Variants in LY75 observed in about 807,000 individuals in gnomAD.
LY75 encodes the protein C-type lectin domain family 13 member B.
A neutral mutation model predicts 231.7 loss-of-function variants in LY75; 185 were observed. The ratio of observed to expected loss-of-function variants is 0.80; its 90% confidence interval spans 0.71 to 0.90. LY75 has a LOEUF of 0.90. Ranked by LOEUF, LY75 falls within the 40% of genes least tolerant of loss-of-function variation. The pLI, the probability that LY75 is intolerant of heterozygous loss-of-function variation, is 0.00. For synonymous variants in LY75, 668 were observed against 689.0 expected, an observed-to-expected ratio of 0.97 and a Z score of 0.48; for missense variants, 1,947 against 2,050.2, an observed-to-expected ratio of 0.95 and a Z score of 0.97.
intron 13 of LY75, among the ~76,000 whole-genome samples, chr2:159,868,999 G>A (rs1330877527): frequency 2.6e-5 from 4 of 152,078 alleles, no homozygotes; most frequent in African/African-American, 9.7e-5. Flanking sequence ...GTCCTTTGTA[G>A]GGACACGGAT....
intron 2 of LY75, among the ~76,000 whole-genome samples, chr2:159,895,854 C>G (rs774352327): frequency 6.6e-5 from 10 of 152,352 alleles, no homozygotes; most frequent in African/African-American, 1.4e-4. Context: ...ATTACGCTAA[C>G]TATTCACTAA....
intron 26 of LY75, among the ~76,000 whole-genome samples, chr2:159,834,939 C>T (rs756750465): frequency 6.6e-6 from 1 of 152,194 alleles, no homozygotes; most frequent in Non-Finnish European, 1.5e-5. Context: ...TCTGACTGGG[C>T]TAGAGACTGC....
At chr2:159,822,834 G>A (rs916138966) in intron 28 of LY75, among the ~76,000 whole-genome samples, 13 of 152,228 alleles carry the variant, frequency 8.5e-5, no homozygotes, top group African/African-American at 1.2e-4. Context: ...AAACAGAGTC[G>A]GGTAGACATC....
At chr2:159,818,684 G>T (rs13393420) in intron 29 of LY75, among the ~76,000 whole-genome samples, 6 of 152,178 alleles carry the variant, frequency 3.9e-5, no homozygotes, top group Non-Finnish European at 7.3e-5. Context: ...CCATACTAAA[G>T]TAATATGCCA....
Position 159,882,275 on chromosome 2 carries a change from C to T in LY75, c.1095G>A (p.Trp365Ter), listed in dbSNP as rs1685459514. The T allele has an allele frequency of 6.2e-7, 1 of 1,613,836 alleles. No individual in the cohort carries two copies. Among genetic ancestry groups the T allele is most frequent in the Admixed American group, 1.7e-5 (1 of 59,978 alleles). Residue 365 changes from tryptophan (W) to a stop codon, truncating the protein, a stop_gained, in exon 7 of 35, where the codon TGG becomes TGA. Transcript: ENST00000263636. LOFTEE classifies it high-confidence loss of function. ...TYSDTRCDAG[W>*]LPNNGFCYLL... ...GATAGCAAAATCCATTATTTGGCAG[C>T]CAGCCTGCATCACAGCGGGTATCTG...
At position 159,878,403 on chromosome 2, in the gene LY75, A is replaced by G. The variant is rs370766820; in HGVS notation, c.1695T>C (p.Ser565=). 1.9e-6 allele frequency: 3 copies of G among 1,614,008 alleles called. No homozygotes were observed. In the African/African-American group the frequency reaches 4.0e-5, roughly 22 times the overall value. Residue 565 remains serine, a synonymous_variant, in exon 11 of 35, where the codon TCT becomes TCC. Coordinates refer to ENST00000263636, the MANE Select transcript of LY75 (RefSeq NM_002349.4). ...CAGTTGCCCAGTTATACTCTCCACA[A>G]GAATCTACATCTCTCAGGCCAGTCC... ...YFWTGLRDVD[S]CGEYNWATVG...
Position 159,881,253 on chromosome 2 carries a change from T to G in LY75, c.1247-13A>C. 6.2e-7 allele frequency: 1 copy of G among 1,605,636 alleles called. No homozygotes were observed. Among genetic ancestry groups the G allele is most frequent in the Non-Finnish European group, 8.5e-7 (1 of 1,176,534 alleles). ...TCTTCTTTGATATCTAAAAGAAAAA[T>G]GTATTATTTGTTTGGTTTTGCTCAA... On this transcript the variant is annotated splice_polypyrimidine_tract_variant and intron_variant, in intron 7 of 34. Transcript: ENST00000263636.
chr2:159,816,716 G>A (rs1473328599), intron 30 of LY75, 90 bp downstream of exon 30: 96 of 1,543,336 alleles, frequency 6.2e-5, no homozygotes, highest in Non-Finnish European at 7.9e-6. Context: ...TTCATCTAAT[G>A]TTGTACTTTG....
At chr2:159,848,521 T>TAACC (rs958142120) in intron 23 of LY75, among the ~76,000 whole-genome samples, 10 of 152,194 alleles carry the variant, frequency 6.6e-5, no homozygotes, top group African/African-American at 2.2e-4. Flanking sequence ...TTTACTCGTG[T>TAACC]AACCAAACAC....
chr2:159,869,568 G>A (rs761286886), intron 13 of LY75, among the ~76,000 whole-genome samples: 2 of 152,150 alleles, frequency 1.3e-5, no homozygotes, highest in Non-Finnish European at 2.9e-5. Context: ...AGAATCTTGC[G>A]AGGCCGCAGC....
chr2:159,864,978 C>T (rs1684819706), intron 13 of LY75, 58 bp from the exon 14 acceptor site: 2 of 1,498,412 alleles, frequency 1.3e-6, no homozygotes, highest in Non-Finnish European at 1.8e-6. Context: ...ATATTTAGCA[C>T]TCACATGTCT....
At chr2:159,820,265 A>G (rs1031537743) in intron 28 of LY75, among the ~76,000 whole-genome samples, 14 of 152,244 alleles carry the variant, frequency 9.2e-5, no homozygotes, top group Non-Finnish European at 2.1e-4. Flanking sequence ...TAGCAAAAAT[A>G]TGGAACCAGC....
At chr2:159,848,401 T>C (rs1684283960) in intron 23 of LY75, among the ~76,000 whole-genome samples, 1 of 151,660 alleles carries the variant, frequency 6.6e-6, no homozygotes, top group East Asian at 1.9e-4. Flanking sequence ...TTGGGGGACT[T>C]AGGAGGAAAG....
At chr2:159,859,120 C>G (rs888337053) in intron 15 of LY75, among the ~76,000 whole-genome samples, 8 of 152,206 alleles carry the variant, frequency 5.3e-5, no homozygotes, top group Non-Finnish European at 1.0e-4. Context: ...ATTTTCAAAT[C>G]TCTCCATACT....
At chr2:159,895,786 T>C (rs1012706071) in intron 2 of LY75, among the ~76,000 whole-genome samples, 27 of 152,174 alleles carry the variant, frequency 1.8e-4, no homozygotes, top group Non-Finnish European at 1.2e-4. Flanking sequence ...GCTCTCTAAG[T>C]CACAATATAT....
intron 23 of LY75, among the ~76,000 whole-genome samples, chr2:159,848,446 T>C (rs991615472): frequency 1.3e-5 from 2 of 151,966 alleles, no homozygotes; most frequent in Non-Finnish European, 2.9e-5. Flanking sequence ...ATACTACAAA[T>C]TGAGTGCAGT....
At chr2:159,813,336 T>TG (rs201323366) in intron 31 of LY75, among the ~76,000 whole-genome samples, 10 of 152,082 alleles carry the variant, frequency 6.6e-5, no homozygotes, top group African/African-American at 1.4e-4. Context: ...TGTTTTGTTT[T>TG]TTTTTTTTTT....
intron 28 of LY75, among the ~76,000 whole-genome samples, chr2:159,828,043 T>A (rs1034238331): frequency 6.6e-6 from 1 of 151,680 alleles, no homozygotes; most frequent in Non-Finnish European, 1.5e-5. Flanking sequence ...CACCATGGCA[T>A]GTGTATACCT....
At chr2:159,825,332 C>T (rs1156246224) in intron 28 of LY75, among the ~76,000 whole-genome samples, 1 of 152,184 alleles carries the variant, frequency 6.6e-6, no homozygotes, top group Non-Finnish European at 1.5e-5. Flanking sequence ...ATAAACACCT[C>T]TATGCAGATA....
Sources: allele counts gnomAD v4.1 joint callset (sites outside exome capture counted in the v4.1 genomes callset), GRCh38; gene constraint gnomAD v4.1.1; transcripts MANE v1.5; gene names NCBI Gene and HGNC (gene_info 2026-07-23, HGNC 2026-07-21).